The following LAMA5 variants were observed in gnomAD, a reference collection of about 807,000 sequenced individuals.
LAMA5 encodes laminin subunit alpha 5.
In LAMA5, 260 loss-of-function variants were observed where a neutral mutation model predicts 433.4. That is an observed-to-expected ratio of 0.60 (90% CI 0.54 to 0.66). LAMA5 has a LOEUF of 0.66. LAMA5 is among the 30% of genes least tolerant of loss of function. The pLI is 0.00. For missense variants in LAMA5, 5,378 were observed against 5,258.5 expected, an observed-to-expected ratio of 1.02 and a Z score of -0.70; for synonymous variants, 2,620 against 2,226.6, an observed-to-expected ratio of 1.18 and a Z score of -4.97.
At chr20:62,320,477 C>T (rs1295341722) in intron 50 of LAMA5, 82 bp downstream of exon 50, 2 of 1,047,884 alleles carry the variant, frequency 1.9e-6, no homozygotes, top group Non-Finnish European at 2.8e-6. Flanking sequence ...CATGAAGTAA[C>T]ATCTGCTGAA....
chr20:62,334,487 C>G, intron 21 of LAMA5, 35 bp downstream of exon 21: 1 of 1,532,788 alleles, frequency 6.5e-7, no homozygotes, highest in Non-Finnish European at 8.8e-7. Context: ...CTGCCTGCCC[C>G]GCTCCCCACC....
rs569578128 is a variant in LAMA5, at chr20:62,328,782, G to A, written c.4447+62C>T. The A allele has an allele frequency of 8.8e-5, 132 of 1,501,892 alleles. No homozygotes were observed. The African/African-American group carries it at 9.2e-4, about 10-fold the overall frequency. The allele number at this position is 1,501,892 out of a possible 1,614,324, so 93.0% of individuals were successfully genotyped here. A position where few individuals can be genotyped will look rare whatever the true frequency, so the allele number is the denominator to read the frequency against. Reference sequence around the variant, plus strand: ...CCTGACCCTGCTTTCTGGTCGACCCGTCCACCTTGGGCTCTGGCACCAACT... The same window carrying A: ...CCTGACCCTGCTTTCTGGTCGACCCATCCACCTTGGGCTCTGGCACCAACT... On this transcript the variant is annotated intron_variant, in intron 34 of 79. Coordinates refer to ENST00000252999, the MANE Select transcript of LAMA5 (RefSeq NM_005560.6).
In LAMA5 at chr20:62,362,432, T is replaced by C; in HGVS notation, c.418A>G (p.Asn140Asp). 6.3e-7 allele frequency: 1 copy of C among 1,579,582 alleles called. No individual in the cohort carries two copies. Among genetic ancestry groups the C allele is most frequent in the Non-Finnish European group, 8.6e-7 (1 of 1,158,494 alleles). The change falls in exon 2 of 80, where the codon AAC becomes GAC. Residue 140 changes from asparagine to aspartate, a missense_variant. Transcript: ENST00000252999. Reference sequence around the variant, plus strand: ...AGGTCCAGGGTGACGTTGACCTCGTTGTACTCCAGGCCGCGGGACAGCGGT... The same window carrying C: ...AGGTCCAGGGTGACGTTGACCTCGTCGTACTCCAGGCCGCGGGACAGCGGT... ...SPPLSRGLEYNEVNVTLDLGQ... is the reference protein window; with the variant it reads ...SPPLSRGLEYDEVNVTLDLGQ...
Position 62,330,472 on chromosome 20 carries a change from C to T in LAMA5, c.3979+16G>A, listed in dbSNP as rs373985079. 125 of 1,531,236 alleles carry T rather than the reference C, an allele frequency of 8.2e-5. No homozygotes were observed. Among genetic ancestry groups the T allele is most frequent in the Admixed American group, 1.0e-4 (5 of 48,348 alleles). The allele number at this position is 1,531,236 out of a possible 1,614,324, so 94.9% of individuals were successfully genotyped here. Reference sequence around the variant, plus strand: ...CGTGTGTGGTAGCCTCTCCACCCCCCACACCAGACACTCACCCTGCCACAC... The same window carrying T: ...CGTGTGTGGTAGCCTCTCCACCCCCTACACCAGACACTCACCCTGCCACAC... On this transcript the variant is annotated intron_variant, in intron 31 of 79. Coordinates refer to ENST00000252999, the MANE Select transcript of LAMA5 (RefSeq NM_005560.6).
chr20:62,335,140 G>A lies in LAMA5; in HGVS notation c.2377-14C>T. 2 of 1,612,816 alleles carry A rather than the reference G, an allele frequency of 1.2e-6. No individual in the cohort carries two copies. Among genetic ancestry groups the A allele is most frequent in the Non-Finnish European group, 1.7e-6 (2 of 1,179,594 alleles). Reference sequence around the variant, plus strand: ...CTGGCCGGTGCCCTGGGGGCCAAGGGAGGAGGTGAAGTGGGGCAGGGGAGG... The same window carrying A: ...CTGGCCGGTGCCCTGGGGGCCAAGGAAGGAGGTGAAGTGGGGCAGGGGAGG... On this transcript the variant is annotated splice_polypyrimidine_tract_variant and intron_variant, in intron 19 of 79. Coordinates refer to ENST00000252999, the MANE Select transcript of LAMA5 (RefSeq NM_005560.6).
chr20:62,322,888 AC>A lies in LAMA5; in HGVS notation c.6065-131del. The A allele has an allele frequency of 5.1e-6, 3 of 590,552 alleles. No homozygotes were observed. In the South Asian group the frequency reaches 6.9e-5, roughly 14 times the overall value. 36.6% of individuals were successfully genotyped at this position (590,552 alleles called of 1,614,324 possible). ...TCCAGGCCGCCCGGACCACCCGGCT[AC>A]CCACTCGTGTCCCAGCCTGGCCCCA... On this transcript the variant is annotated intron_variant, in intron 45 of 79. Transcript: ENST00000252999.
rs1233849320 is a variant in LAMA5, at chr20:62,311,792, G to A, written c.9636-8C>T. 1.9e-6 allele frequency: 3 copies of A among 1,556,308 alleles called. No individual in the cohort carries two copies. The highest frequency in any genetic ancestry group is 1.4e-5 in the African/African-American group (1 of 73,666). ...TCGACATACAGCCAGACTCTGGGGGGCGGGAGGCCGGAGGCTCGGTTTTTC... is the reference window on the plus strand; with the variant it reads ...TCGACATACAGCCAGACTCTGGGGGACGGGAGGCCGGAGGCTCGGTTTTTC... On this transcript the variant is annotated splice_region_variant and splice_polypyrimidine_tract_variant and intron_variant, in intron 70 of 79. Coordinates refer to ENST00000252999, the MANE Select transcript of LAMA5 (RefSeq NM_005560.6).
Position 62,310,283 on chromosome 20 carries a change from C to G in LAMA5, c.10629G>C (p.Val3543=). Residue 3543 remains valine, a synonymous_variant, in exon 77 of 80, where the codon GTG becomes GTC. Transcript: ENST00000252999. The part of the protein sequence containing the change: ...LDLPGATLPD[V]GLELEVRPLA... Reference sequence around the variant, plus strand: ...GGGGCCGCACCTCCAGTTCCAGGCCCACATCAGGCAGTGTAGCTCCTGGGA... The same window carrying G: ...GGGGCCGCACCTCCAGTTCCAGGCCGACATCAGGCAGTGTAGCTCCTGGGA... 6.2e-7 allele frequency: 1 copy of G among 1,610,348 alleles called. No individual in the cohort carries two copies. Among genetic ancestry groups the G allele is most frequent in the Non-Finnish European group, 8.5e-7 (1 of 1,178,440 alleles).
chr20:62,341,291 T>TA (rs796603291), intron 11 of LAMA5, among the ~76,000 whole-genome samples: 7 of 151,800 alleles, frequency 4.6e-5, no homozygotes, highest in African/African-American at 1.4e-4. Flanking sequence ...ATAGACTATT[T>TA]AAAAAAAACA....
At chr20:62,316,461 C>T (rs567281958) in intron 57 of LAMA5, 13 of 525,156 alleles carry the variant, frequency 2.5e-5, no homozygotes, top group South Asian at 1.8e-4. Context: ...GCCAGTGCCT[C>T]GCAGGAGGCT....
intron 11 of LAMA5, among the ~76,000 whole-genome samples, chr20:62,345,146 T>C (rs2146273661): frequency 6.6e-6 from 1 of 151,884 alleles, no homozygotes; most frequent in Non-Finnish European, 1.5e-5. Context: ...GCCTCCTGAG[T>C]AGCTGGGATT....
intron 11 of LAMA5, among the ~76,000 whole-genome samples, chr20:62,343,484 A>G (rs2146265553): frequency 6.6e-6 from 1 of 152,294 alleles, no homozygotes; most frequent in Admixed American, 6.5e-5. Context: ...TATAAGAAAT[A>G]GGTGATACAG....
rs761470454 is a variant in LAMA5 at position 62,331,127 on chromosome 20, G to A, written c.3555C>T (p.His1185=). ...CCTCAATGGGCACCAGAGTGACCCCGTGCTGCAGGCAGAGGGACGAGATGC... is the reference window on the plus strand; with the variant it reads ...CCTCAATGGGCACCAGAGTGACCCCATGCTGCAGGCAGAGGGACGAGATGC... ...LTAEQARFFL[H]GVTLVPIEEF... The change falls in exon 29 of 80, where the codon CAC becomes CAT. Residue 1185 remains histidine (H), a splice_region_variant and synonymous_variant. Transcript: ENST00000252999. 19 of 1,572,852 alleles carry A rather than the reference G, an allele frequency of 1.2e-5. No homozygotes were observed. Among genetic ancestry groups the A allele is most frequent in the Middle Eastern group, 1.7e-4 (1 of 5,920 alleles).
intron 57 of LAMA5, 27 bp downstream of exon 57, chr20:62,316,644 G>T: frequency 6.6e-7 from 1 of 1,509,204 alleles, no homozygotes; most frequent in South Asian, 1.3e-5. Context: ...GCAGGCCTAA[G>T]GGCCCCCATC....
In LAMA5 at chr20:62,324,400, C is replaced by T. The variant is rs1282934022; in HGVS notation, c.5643+41G>A. The stretch of plus-strand genomic sequence containing the variant: ...TCCCTGGCACACTTGACTGTGCCTT[C>T]AGTGAATGCTGCCCCCCTGGCCCCA... On this transcript the variant is annotated intron_variant, in intron 42 of 79. Transcript: ENST00000252999. The surrounding 1 kb of genome is among the most constrained non-coding windows in gnomAD (Gnocchi z 4.4). The T allele has an allele frequency of 6.6e-7, 1 of 1,517,182 alleles. No homozygotes were observed. The allele number at this position is 1,517,182 out of a possible 1,614,324, so 94.0% of individuals were successfully genotyped here. A position where few individuals can be genotyped will look rare whatever the true frequency, so the allele number is the denominator to read the frequency against.
At chr20:62,350,515 C>T (rs927857302) in intron 6 of LAMA5, among the ~76,000 whole-genome samples, 9 of 152,314 alleles carry the variant, frequency 5.9e-5, no homozygotes, top group South Asian at 2.1e-4. Flanking sequence ...GCTCCACCCG[C>T]CTCCCCACCT....
At chr20:62,321,738 T>TGGGGCCAGCGGAGGGGG (rs1987826541) in intron 48 of LAMA5, among the ~76,000 whole-genome samples, 1 of 5,806 alleles carries the variant, frequency 1.7e-4, no homozygotes, top group Non-Finnish European at 3.6e-4. Flanking sequence ...AGTGGAGGGG[T>TGGGGCCAGCGGAGGGGG]GGGGCCAGTG....
Position 62,309,121 on chromosome 20 carries a change from ATC to A in LAMA5, c.*213_*214del, listed in dbSNP as rs543496033. On this transcript the variant is annotated 3_prime_UTR_variant, in exon 80 of 80. Coordinates refer to ENST00000252999, the MANE Select transcript of LAMA5 (RefSeq NM_005560.6). ...AGGAACCAGTGATGATTGGTGACAA[ATC>A]TCTCACAATTAAAAATGGGTGGAAG... 3.6e-4 allele frequency: 224 copies of A among 613,942 alleles called. No homozygotes were observed. Among genetic ancestry groups the A allele is most frequent in the African/African-American group, 3.6e-3 (193 of 53,816 alleles). 38.0% of individuals were successfully genotyped at this position (613,942 alleles called of 1,614,324 possible).
In LAMA5 at chr20:62,362,408, G is replaced by C. The variant is rs1384873164; in HGVS notation, c.442C>G (p.Leu148Val). The C allele has an allele frequency of 1.9e-6, 3 of 1,552,142 alleles. No individual in the cohort carries two copies. Among genetic ancestry groups the C allele is most frequent in the Non-Finnish European group, 1.8e-6 (2 of 1,142,670 alleles). ...EYNEVNVTLD[L>V]GQVFHVAYVL... ...CAAAGAAGGGTCCCTACCTGGCCCAGGTCCAGGGTGACGTTGACCTCGTTG... is the reference window on the plus strand; with the variant it reads ...CAAAGAAGGGTCCCTACCTGGCCCACGTCCAGGGTGACGTTGACCTCGTTG... The change falls in exon 2 of 80, where the codon CTG becomes GTG. Residue 148 changes from leucine (L) to valine (V), a missense_variant. Coordinates refer to ENST00000252999, the MANE Select transcript of LAMA5 (RefSeq NM_005560.6).
Sources: allele counts gnomAD v4.1 joint callset (sites outside exome capture counted in the v4.1 genomes callset), GRCh38; gene constraint gnomAD v4.1.1; non-coding constraint Gnocchi (gnomAD v3.1); transcripts MANE v1.5; gene names NCBI Gene and HGNC (gene_info 2026-07-23, HGNC 2026-07-21).